Variants in ATP5MC2 observed in about 807,000 individuals in gnomAD.
The protein encoded by ATP5MC2 is ATP synthase F(0) complex subunit C2, mitochondrial.
Under a neutral mutation model 13.5 loss-of-function variants are expected in ATP5MC2, and 11 were observed. The observed-to-expected ratio is 0.81, with a 90% CI of 0.51 to 1.35. The LOEUF (loss-of-function observed/expected upper bound fraction) is 1.35. Among genes scored for constraint, ATP5MC2 ranks in the 40% most tolerant of loss-of-function variants. The pLI is 0.00. For synonymous variants in ATP5MC2, 64 were observed against 69.7 expected, an observed-to-expected ratio of 0.92 and a Z score of 0.41; for missense variants, 132 against 175.0, an observed-to-expected ratio of 0.75 and a Z score of 1.39.
At chr12:53,666,241 C>A (rs774395147) in intron 4 of ATP5MC2, among the ~76,000 whole-genome samples, 3 of 150,694 alleles carry the variant, frequency 2.0e-5, no homozygotes, top group Non-Finnish European at 4.4e-5. Flanking sequence ...GTCAGGAGTT[C>A]GAGACCAGCC....
At chr12:53,665,570 C>A in intron 4 of ATP5MC2, 142 bp from the exon 5 acceptor site, 1 of 717,120 alleles carries the variant, frequency 1.4e-6, no homozygotes, top group Non-Finnish European at 2.4e-6. Context: ...ACCATCATGC[C>A]CAAATTCTTG....
At chr12:53,677,161 T>C (rs1945297651), upstream of ATP5MC2, 1 of 152,750 alleles carries the variant, frequency 6.5e-6, no homozygotes, top group African/African-American at 2.4e-5. Context: ...TGTCCTCCCC[T>C]CCTTGGCCCC....
Position 53,665,392 on chromosome 12 carries a change from G to A in ATP5MC2, c.348C>T (p.Ala116=). ...CCTCCGAGAGGGCAAAGCCCAGAAT[G>A]GCGTAGGAGAAGAGCTGTTGCTTCA... ...PSLKQQLFSY[A]ILGFALSEAM... is the part of the protein sequence containing the mutation. The change falls in exon 5 of 5, where the codon GCC becomes GCT. Residue 116 remains alanine (A), a synonymous_variant. Coordinates refer to ENST00000394349, the MANE Select transcript of ATP5MC2 (RefSeq NM_005176.7). 1 of 1,614,152 alleles carries A rather than the reference G, an allele frequency of 6.2e-7. No individual in the cohort carries two copies. Among genetic ancestry groups the A allele is most frequent in the Non-Finnish European group, 8.5e-7 (1 of 1,180,024 alleles).
chr12:53,676,100 G>A (rs1216254466), upstream of ATP5MC2: 1 of 1,614,276 alleles, frequency 6.2e-7, no homozygotes, highest in Non-Finnish European at 8.5e-7. Flanking sequence ...AGCGGGAAGA[G>A]CGAAAGGAAG....
chr12:53,666,587 AAAG>A (rs1334645840), intron 4 of ATP5MC2, among the ~76,000 whole-genome samples: 1 of 151,010 alleles, frequency 6.6e-6, no homozygotes, highest in Non-Finnish European at 1.5e-5. Context: ...CAAAAAAAAA[AAAG>A]AAAGAAAAAA....
chr12:53,666,347 G>A (rs1944913928), intron 4 of ATP5MC2, among the ~76,000 whole-genome samples: 1 of 152,152 alleles, frequency 6.6e-6, no homozygotes, highest in Non-Finnish European at 1.5e-5. Flanking sequence ...GGAGGCCGAA[G>A]TGGGCAGATC....
At chr12:53,678,370 C>CCACCATCAT (rs150228334), upstream of ATP5MC2, among the ~76,000 whole-genome samples, 2 of 151,972 alleles carry the variant, frequency 1.3e-5, no homozygotes, top group East Asian at 1.9e-4. Flanking sequence ...ACCACCATCA[C>CCACCATCAT]CACCATCATC....
intron 4 of ATP5MC2, among the ~76,000 whole-genome samples, chr12:53,667,996 A>ATATATATATATATATATATAT (rs1944983238): frequency 2.1e-5 from 1 of 46,692 alleles, no homozygotes; most frequent in Non-Finnish European, 4.9e-5. Context: ...TATATATATA[A>ATATATATATATATATATATAT]ATTTTTTTTT....
At chr12:53,674,604 G>A (rs1244984899) in intron 1 of ATP5MC2, among the ~76,000 whole-genome samples, 2 of 152,174 alleles carry the variant, frequency 1.3e-5, no homozygotes, top group African/African-American at 4.8e-5. Flanking sequence ...GATTGTCCCA[G>A]GTTAAAACAC....
chr12:53,677,135 T>C (rs3809156), upstream of ATP5MC2: 98,737 of 152,522 alleles, frequency 0.65, 33,745 homozygotes, highest in East Asian at 0.95. Flanking sequence ...AATCCGCCAC[T>C]CTCTGAGGGG....
chr12:53,672,738 C>T, intron 1 of ATP5MC2, 93 bp from the exon 2 acceptor site: 1 of 1,162,472 alleles, frequency 8.6e-7, no homozygotes, highest in Non-Finnish European at 1.2e-6. Context: ...TTAACTGGCC[C>T]AGAAAACAGT....
At chr12:53,675,279 C>T (rs1460335008) in intron 1 of ATP5MC2, among the ~76,000 whole-genome samples, 1 of 152,208 alleles carries the variant, frequency 6.6e-6, no homozygotes, top group African/African-American at 2.4e-5. Flanking sequence ...CACAGGAAAG[C>T]TGGCAGGCAG....
chr12:53,672,765 T>C (rs1593054221), intron 1 of ATP5MC2, 120 bp from the exon 2 acceptor site: 13 of 839,382 alleles, frequency 1.5e-5, no homozygotes, highest in Middle Eastern at 3.3e-4. Flanking sequence ...CCTTAAGTCA[T>C]TGGCAGAAAT....
upstream of ATP5MC2, among the ~76,000 whole-genome samples, chr12:53,678,981 T>C (rs980042432): frequency 1.3e-5 from 2 of 152,174 alleles, no homozygotes; most frequent in Admixed American, 1.3e-4. Context: ...TTTCCTTTCT[T>C]AGGATTGGTT....
At chr12:53,670,807 G>A (rs2138031632) in intron 2 of ATP5MC2, among the ~76,000 whole-genome samples, 1 of 151,850 alleles carries the variant, frequency 6.6e-6, no homozygotes, top group African/African-American at 2.4e-5. Flanking sequence ...ATTTTTAGTA[G>A]AGACAGGTTT....
At chr12:53,670,083 G>A in intron 2 of ATP5MC2, 135 bp from the exon 3 acceptor site, 1 of 767,858 alleles carries the variant, frequency 1.3e-6, no homozygotes, top group African/African-American at 1.7e-5. Context: ...ATGTACGTTA[G>A]AGTTTTGGAT....
At chr12:53,668,904 A>T (rs918085683) in intron 4 of ATP5MC2, among the ~76,000 whole-genome samples, 2 of 152,002 alleles carry the variant, frequency 1.3e-5, no homozygotes, top group African/African-American at 4.8e-5. Flanking sequence ...CTGTAATCCC[A>T]GCTACTTGGG....
At chr12:53,680,779 A>T (rs889159136), upstream of ATP5MC2, among the ~76,000 whole-genome samples, 1 of 152,228 alleles carries the variant, frequency 6.6e-6, no homozygotes, top group Admixed American at 6.5e-5. Flanking sequence ...AGCATCTCCT[A>T]TGTGCTAGGC....
At chr12:53,665,619 G>C (rs1397800828) in intron 4 of ATP5MC2, among the ~76,000 whole-genome samples, 191 bp from the exon 5 acceptor site, 3 of 152,140 alleles carry the variant, frequency 2.0e-5, no homozygotes, top group Non-Finnish European at 2.9e-5. Flanking sequence ...CTGAATGAAG[G>C]GGGAGCAGGC....
Sources: gnomAD v4.1 joint callset for allele counts (sites outside exome capture counted in the v4.1 genomes callset) on GRCh38, gnomAD v4.1.1 for gene constraint, MANE v1.5 for transcripts, NCBI Gene and HGNC (gene_info 2026-07-23, HGNC 2026-07-21) for gene names.